CEP131: variants seen among roughly 807,000 people sequenced by gnomAD.
CEP131 encodes centrosomal protein of 131 kDa.
Under a neutral mutation model 136.8 loss-of-function variants are expected in CEP131, and 99 were observed. The observed-to-expected ratio is 0.72, with a 90% CI of 0.62 to 0.86. The LOEUF (loss-of-function observed/expected upper bound fraction) is 0.86, where lower values mean the gene tolerates loss of function less well. Among genes scored for constraint, CEP131 ranks in the 40% least tolerant of loss-of-function variants. The pLI, the probability that CEP131 is intolerant of heterozygous loss-of-function variation, is 0.00. For synonymous variants in CEP131, 646 were observed against 612.7 expected (o/e 1.05, Z -0.80); for missense variants, 1,459 against 1,463.0 (o/e 1.00, Z 0.04).
chr17:81,191,294 T>C lies in CEP131; in HGVS notation c.2664A>G (p.Glu888=). 1 of 1,613,430 alleles carries C rather than the reference T, an allele frequency of 6.2e-7. No homozygotes were observed. Residue 888 remains glutamate (E), a synonymous_variant, in exon 22 of 26, where the codon GAA becomes GAG. Coordinates refer to ENST00000450824, the MANE Select transcript of CEP131 (RefSeq NM_014984.4). ...LLNREQELRE[E]IRKGRDKEIE... ...TCTCCTTGTCCCGGCCTTTCCGGAT[T>C]TCTTCCCTCAGCTCCTGTTCCCGGT...
chr17:81,194,126 A>G lies in CEP131; in HGVS notation c.2121T>C (p.Gly707=), dbSNP rs2061703647. 6.6e-7 allele frequency: 1 copy of G among 1,520,910 alleles called. No homozygotes were observed. Among genetic ancestry groups the G allele is most frequent in the South Asian group, 1.3e-5 (1 of 76,766 alleles). The allele number at this position is 1,520,910 out of a possible 1,614,324, so 94.2% of individuals were successfully genotyped here. A position where few individuals can be genotyped will look rare whatever the true frequency, so the allele number is the denominator to read the frequency against. The change falls in exon 18 of 26, where the codon GGT becomes GGC. Residue 707 remains glycine (G), a splice_region_variant and synonymous_variant. Transcript: ENST00000450824. ...TCAGCTTCTGGATCTCGGGCTCCAG[A>G]CCTGGGGGCGGGGCACCAGCTAGGG... ...TKKIKEVTVR[G]LEPEIQKLIA... is the part of the protein sequence containing the mutation.
chr17:81,201,361 G>A (rs1036081646), intron 7 of CEP131, among the ~76,000 whole-genome samples: 2 of 152,180 alleles, frequency 1.3e-5, no homozygotes, highest in Non-Finnish European at 2.9e-5. Context: ...GTACCCCCGC[G>A]ACTGTCCTGA....
In CEP131 at chr17:81,205,839, C is replaced by A. The variant is rs187372566; in HGVS notation, c.515+905G>T. On this transcript the variant is annotated intron_variant, in intron 5 of 25. Coordinates refer to ENST00000450824, the MANE Select transcript of CEP131 (RefSeq NM_014984.4). ...TCTTGAGCCCAGGAGGTAGAGGCTG[C>A]AGTGAGCTATGATCGTGGACTCCAG... Among the ~76,000 whole-genome samples the A allele has an allele frequency of 2.8e-3, 426 of 152,188 alleles. 6 individuals carry two copies. The highest frequency in any genetic ancestry group is 0.01 in the African/African-American group (419 of 41,506).
chr17:81,199,240 G>A (rs1338057232), intron 10 of CEP131, 141 bp downstream of exon 10: 1 of 1,062,382 alleles, frequency 9.4e-7, no homozygotes, highest in Non-Finnish European at 1.3e-6. Context: ...TCAGCTGGGG[G>A]CCAAGGCCCC....
chr17:81,221,726 TG>T (rs748458599), intron 1 of CEP131, among the ~76,000 whole-genome samples: 1 of 152,218 alleles, frequency 6.6e-6, no homozygotes, highest in Non-Finnish European at 1.5e-5. Flanking sequence ...AGTTGGTTTA[TG>T]AATTGTGTGG....
In CEP131 at chr17:81,203,618, G is replaced by A. The variant is rs199620853; in HGVS notation, c.516-11C>T. The A allele has an allele frequency of 2.0e-5, 31 of 1,574,624 alleles. No individual in the cohort carries two copies. The highest frequency in any genetic ancestry group is 9.4e-5 in the African/African-American group (7 of 74,382). On this transcript the variant is annotated splice_polypyrimidine_tract_variant and intron_variant, in intron 5 of 25. Transcript: ENST00000450824. This position sits in a 1 kb window ranked among gnomAD's most constrained non-coding sequence, Gnocchi z 4.6. ...GCTCCCTTGTTGCTCCTGCCAGGCC[G>A]GAAGAGAGACAGGAATGGTCAGGCC...
chr17:81,221,379 C>T (rs1396180874), intron 1 of CEP131, among the ~76,000 whole-genome samples: 5 of 152,160 alleles, frequency 3.3e-5, no homozygotes, highest in Non-Finnish European at 7.4e-5. Flanking sequence ...ACGAGTCTTT[C>T]TGATCTTTCT....
At chr17:81,206,003 AG>A (rs1245995540) in intron 5 of CEP131, among the ~76,000 whole-genome samples, 1 of 152,194 alleles carries the variant, frequency 6.6e-6, no homozygotes, top group African/African-American at 2.4e-5. Context: ...CAGGAGATCG[AG>A]ACCATCCCGG....
In CEP131 at chr17:81,198,286, G is replaced by A; in HGVS notation, c.1299C>T (p.Ala433=). ...CCAGGTTGTCCCCAGCTGCATCCTG[G>A]GCAAGAACGTCCTGCAAAAGAGCAG... ...PPEDRTQDVL[A]QDAAGDNLEM... The change falls in exon 12 of 26, where the codon GCC becomes GCT. Residue 433 remains alanine (A), a synonymous_variant. Transcript: ENST00000450824. 2 of 1,600,160 alleles carry A rather than the reference G, an allele frequency of 1.2e-6. No individual in the cohort carries two copies. Among genetic ancestry groups the A allele is most frequent in the African/African-American group, 1.3e-5 (1 of 74,650 alleles).
chr17:81,206,932 T>A, intron 4 of CEP131, 61 bp from the exon 5 acceptor site: 1 of 1,573,680 alleles, frequency 6.4e-7, no homozygotes, highest in Non-Finnish European at 8.6e-7. Flanking sequence ...ATCCCTTCCC[T>A]GCCTCTCCCA....
chr17:81,205,441 G>C (rs1242221130), intron 5 of CEP131, among the ~76,000 whole-genome samples: 2 of 67,550 alleles, frequency 3.0e-5, no homozygotes, highest in African/African-American at 1.5e-4. Flanking sequence ...ATGGGGGTAG[G>C]AGGGGTGGGG....
chr17:81,194,504 T>C (rs1452846809), intron 17 of CEP131, among the ~76,000 whole-genome samples: 1 of 152,234 alleles, frequency 6.6e-6, no homozygotes, highest in African/African-American at 2.4e-5. Flanking sequence ...TCCGCCTGCC[T>C]GCCCCTGCCT....
In CEP131 at chr17:81,215,926, T is replaced by G. The variant is rs1018725982; in HGVS notation, c.177+3954A>C. On this transcript the variant is annotated intron_variant, in intron 2 of 25. Coordinates refer to ENST00000450824, the MANE Select transcript of CEP131 (RefSeq NM_014984.4). The surrounding 1 kb of genome is among the most constrained non-coding windows in gnomAD (Gnocchi z 4.1). ...TATTGTCAGCTGCTACAAAACAATG[T>G]AAGGAAAGCGGGAGCAGGGTCAGGT... 1.3e-5 allele frequency among the ~76,000 whole-genome samples: 2 copies of G among 152,008 alleles called. No homozygotes were observed. The highest frequency in any genetic ancestry group is 2.9e-5 in the Non-Finnish European group (2 of 68,010).
At chr17:81,212,838 G>A (rs746712326) in intron 2 of CEP131, among the ~76,000 whole-genome samples, 20 of 152,150 alleles carry the variant, frequency 1.3e-4, no homozygotes, top group Non-Finnish European at 2.2e-4. Context: ...TGGTTACTAG[G>A]TAGGTTACTA....
chr17:81,198,123 C>G lies in CEP131; in HGVS notation c.1462G>C (p.Ala488Pro), dbSNP rs1397099918. ...RTHHRGRYAW[A>P]SEEDDASSLT... The stretch of plus-strand genomic sequence containing the variant: ...GCGCACACCGTGGTCACCTCGCTGG[C>G]CCAGGCGTATCTGCCCCTGTGATGG... Residue 488 changes from alanine (A) to proline (P), a missense_variant, in exon 12 of 26, where the codon GCC (alanine) becomes CCC (proline). Ala to Pro is a conservative substitution (Grantham distance 27, BLOSUM62 -1). Coordinates refer to ENST00000450824, the MANE Select transcript of CEP131 (RefSeq NM_014984.4). 6.4e-7 allele frequency: 1 copy of G among 1,564,256 alleles called. No homozygotes were observed. Among genetic ancestry groups the G allele is most frequent in the African/African-American group, 1.4e-5 (1 of 73,848 alleles).
At chr17:81,197,972 C>A (rs2061802403) in intron 12 of CEP131, 84 bp from the exon 13 acceptor site, 1 of 1,537,246 alleles carries the variant, frequency 6.5e-7, no homozygotes, top group South Asian at 1.2e-5. Flanking sequence ...GCAGCTGAGG[C>A]TGGGCTCTGG....
chr17:81,194,057 G>T lies in CEP131; in HGVS notation c.2190C>A (p.His730Gln), dbSNP rs199618201. ...KQEVRRLKSL[H>Q]EAELLQSDER... ...CATCCGACTGCAGCAGCTCCGCCTC[G>T]TGCAGGCTCTTGAGCCTCCGCACTT... is the stretch of plus-strand genomic sequence containing the variant. The change falls in exon 18 of 26, where the codon CAC becomes CAA. Residue 730 changes from histidine (H) to glutamine (Q), a missense_variant. Physicochemically the swap from His to Gln is conservative, Grantham distance 24. Around this residue, in one of 3 missense-constraint regions of CEP131, gnomAD observed 1,026 missense variants for 964.2 expected, o/e 1.06. Transcript: ENST00000450824. The T allele has an allele frequency of 1.0e-5, 16 of 1,584,822 alleles. No homozygotes were observed. Among genetic ancestry groups the T allele is most frequent in the Non-Finnish European group, 1.2e-5 (14 of 1,165,976 alleles).
intron 2 of CEP131, among the ~76,000 whole-genome samples, chr17:81,212,944 A>C (rs1456875691): frequency 6.6e-6 from 1 of 152,200 alleles, no homozygotes; most frequent in Non-Finnish European, 1.5e-5. Context: ...CAGTAGGGAC[A>C]AGCACACCCA....
chr17:81,216,309 AGAT>A (rs1399647039), intron 2 of CEP131, among the ~76,000 whole-genome samples: 1 of 151,672 alleles, frequency 6.6e-6, no homozygotes, highest in Non-Finnish European at 1.5e-5. Flanking sequence ...CAGTGAGCCG[AGAT>A]CTCACAAATG....
Sources: gnomAD v4.1 joint callset for allele counts (sites outside exome capture counted in the v4.1 genomes callset) on GRCh38, gnomAD v4.1.1 for gene constraint, gnomAD v4.1.1 regional missense constraint, Gnocchi (gnomAD v3.1) non-coding constraint, MANE v1.5 for transcripts, NCBI Gene and HGNC (gene_info 2026-07-23, HGNC 2026-07-21) for gene names.